The following FBXL13 variants were observed in gnomAD, a reference collection of about 807,000 sequenced individuals.
FBXL13 encodes F-box and leucine-rich repeat protein 13.
Under a neutral mutation model 83.6 loss-of-function variants are expected in FBXL13, and 67 were observed. The observed-to-expected ratio is 0.80, with a 90% CI of 0.66 to 0.98. FBXL13 has a LOEUF of 0.98. Among genes scored for constraint, FBXL13 ranks in the 50% least tolerant of loss-of-function variants. The pLI is 0.00. For missense variants in FBXL13, 822 were observed against 866.5 expected (o/e 0.95, Z 0.64); for synonymous variants, 272 against 299.5 (o/e 0.91, Z 0.95).
chr7:102,921,904 G>T (rs1244239747), intron 10 of FBXL13, among the ~76,000 whole-genome samples: 1 of 151,332 alleles, frequency 6.6e-6, no homozygotes. Flanking sequence ...ATATCACTGG[G>T]TCAAGTCCAG....
At chr7:102,897,842 G>A (rs1425196577) in intron 11 of FBXL13, among the ~76,000 whole-genome samples, 1 of 152,178 alleles carries the variant, frequency 6.6e-6, no homozygotes, top group East Asian at 1.9e-4. Context: ...TACTGTGGAA[G>A]TGAATATAAG....
At chr7:102,842,260 C>G (rs966594211) in intron 17 of FBXL13, among the ~76,000 whole-genome samples, 2 of 152,224 alleles carry the variant, frequency 1.3e-5, no homozygotes, top group African/African-American at 4.8e-5. Flanking sequence ...ATAAACACAA[C>G]TTGTAACCCT....
In FBXL13 at chr7:102,874,256, A is replaced by G. The variant is rs908967209; in HGVS notation, c.1635+3211T>C. On this transcript the variant is annotated intron_variant, in intron 16 of 19. Transcript: ENST00000313221. ...TTGCACTTACTCAGACCTATAATCA[A>G]TCAGGCTGGTGTTTAGCTGCCCAAG... The G allele has an allele frequency of 1.9e-5, 14 of 746,892 alleles. No individual in the cohort carries two copies. In the Admixed American group the frequency reaches 2.5e-4, roughly 13 times the overall value. The allele number at this position is 746,892 out of a possible 1,614,324, so 46.3% of individuals were successfully genotyped here.
intron 2 of FBXL13, among the ~76,000 whole-genome samples, chr7:103,042,081 C>G (rs1795772023): frequency 6.6e-6 from 1 of 152,172 alleles, no homozygotes; most frequent in Non-Finnish European, 1.5e-5. Flanking sequence ...AACCCATTGT[C>G]TCAGCCCAAA....
intron 5 of FBXL13, among the ~76,000 whole-genome samples, chr7:103,025,766 G>GT (rs893110976): frequency 6.6e-6 from 1 of 151,872 alleles, no homozygotes; most frequent in African/African-American, 2.4e-5. Flanking sequence ...ATATATATGT[G>GT]TATGTGTGTA....
Position 102,998,630 on chromosome 7 carries a change from A to G in FBXL13, c.495+26433T>C, listed in dbSNP as rs893565524. ...TCCTGCAACTTTACTGAATTTGATT[A>G]TCAGTTCTAACAGTTTTTTGGTGGA... On this transcript the variant is annotated intron_variant, in intron 6 of 19. Transcript: ENST00000313221. 1.3e-5 allele frequency among the ~76,000 whole-genome samples: 2 copies of G among 152,102 alleles called. 1 individual carries two copies.
At chr7:102,974,866 C>T (rs1469227151) in intron 6 of FBXL13, among the ~76,000 whole-genome samples, 1 of 152,150 alleles carries the variant, frequency 6.6e-6, no homozygotes, top group Non-Finnish European at 1.5e-5. Context: ...CAGCCCCCAT[C>T]TTCCCAAGCA....
chr7:102,869,387 G>T (rs968670830), intron 16 of FBXL13, among the ~76,000 whole-genome samples: 1 of 152,100 alleles, frequency 6.6e-6, no homozygotes, highest in African/African-American at 2.4e-5. Context: ...CCCTTGTCAC[G>T]TAAGCATAGT....
At chr7:102,998,206 T>C (rs1011549815) in intron 6 of FBXL13, among the ~76,000 whole-genome samples, 6 of 152,262 alleles carry the variant, frequency 3.9e-5, no homozygotes, top group Non-Finnish European at 8.8e-5. Context: ...GAGAAATGTC[T>C]ATTCAGATCT....
chr7:102,889,200 C>T (rs1811199782), intron 11 of FBXL13, among the ~76,000 whole-genome samples: 1 of 152,094 alleles, frequency 6.6e-6, no homozygotes, highest in South Asian at 2.1e-4. Flanking sequence ...GTTGTGTGAT[C>T]GGAGAACAGG....
chr7:102,982,052 T>C (rs1828311313), intron 6 of FBXL13, among the ~76,000 whole-genome samples: 1 of 152,118 alleles, frequency 6.6e-6, no homozygotes, highest in Non-Finnish European at 1.5e-5. Context: ...AGATACACTC[T>C]TCTTTTTCCT....
intron 2 of FBXL13, among the ~76,000 whole-genome samples, chr7:103,041,874 T>C (rs1422324571): frequency 1.3e-5 from 2 of 152,294 alleles, no homozygotes; most frequent in East Asian, 3.9e-4. Flanking sequence ...TCCTACTGAA[T>C]GGGCAAAAAC....
At chr7:102,818,267 G>C (rs1228351471) in intron 19 of FBXL13, among the ~76,000 whole-genome samples, 2 of 152,202 alleles carry the variant, frequency 1.3e-5, no homozygotes, top group Non-Finnish European at 2.9e-5. Context: ...AAAAGCTTGA[G>C]AATGTAATAT....
At chr7:103,058,135 A>G (rs186831561) in intron 1 of FBXL13, among the ~76,000 whole-genome samples, 2 of 152,170 alleles carry the variant, frequency 1.3e-5, no homozygotes, top group East Asian at 3.9e-4. Context: ...CTGCATAATA[A>G]CAATCTCCCC....
intron 18 of FBXL13, among the ~76,000 whole-genome samples, chr7:102,826,753 A>ATATATATATATATATATATG (rs989636989): frequency 3.6e-5 from 4 of 112,246 alleles, no homozygotes; most frequent in South Asian, 2.6e-4. Context: ...ATATATATAT[A>ATATATATATATATATATATG]TATATATATA....
In FBXL13 at chr7:102,914,697, C is replaced by T. The variant is rs530921135; in HGVS notation, c.879-1482G>A. ...ATCCCGATCTGGGAAGGGCTGTGTA[C>T]GTGAGATTCGACAGAGCGAGGGGGA... On this transcript the variant is annotated intron_variant, in intron 10 of 19. Transcript: ENST00000313221. 5.1e-4 allele frequency among the ~76,000 whole-genome samples: 77 copies of T among 152,290 alleles called. 1 individual carries two copies. The South Asian group carries it at 0.014, about 28-fold the overall frequency.
intron 6 of FBXL13, among the ~76,000 whole-genome samples, chr7:102,989,718 G>T (rs531760774): frequency 2.0e-4 from 30 of 152,330 alleles, no homozygotes; most frequent in African/African-American, 7.0e-4. Context: ...TTAAGTCATA[G>T]TCTCCTATCA....
At chr7:102,998,891 T>C (rs924852041) in intron 6 of FBXL13, among the ~76,000 whole-genome samples, 1 of 152,096 alleles carries the variant, frequency 6.6e-6, no homozygotes, top group African/African-American at 2.4e-5. Flanking sequence ...GACTTCCTCC[T>C]TCCCAATTTG....
rs1490824202 is a variant in FBXL13 at position 103,060,037 on chromosome 7, T to TACACATATATATACAC, written c.-104-4291_-104-4290insGTGTATATATATGTGT. On this transcript the variant is annotated intron_variant, in intron 1 of 19. Transcript: ENST00000313221. ...AAGATATTTTATATATATATATATATATATATATATATATATATATATATA... is the reference window on the plus strand; with the variant it reads ...AAGATATTTTATATATATATATATATACACATATATATACACATATATATATATATATATATATATA... Among the ~76,000 whole-genome samples, 151 of 93,220 alleles carry TACACATATATATACAC rather than the reference T, an allele frequency of 1.6e-3. 7 individuals carry two copies. The highest frequency in any genetic ancestry group is 7.3e-3 in the African/African-American group (148 of 20,402). The allele number at this position is 93,220 out of a possible 152,430, so 61.2% of individuals were successfully genotyped here. A position where few individuals can be genotyped will look rare whatever the true frequency, so the allele number is the denominator to read the frequency against.
Sources: gnomAD v4.1 joint callset for allele counts (sites outside exome capture counted in the v4.1 genomes callset) on GRCh38, gnomAD v4.1.1 for gene constraint, MANE v1.5 for transcripts, NCBI Gene and HGNC (gene_info 2026-07-23, HGNC 2026-07-21) for gene names.